AFAP1: variants seen among roughly 807,000 people sequenced by gnomAD.
AFAP1 encodes actin filament associated protein 1, also known as actin filament-associated protein 1.
In AFAP1, 75 loss-of-function variants were observed where a neutral mutation model predicts 93.9. The observed-to-expected ratio is 0.80, with a 90% CI of 0.66 to 0.97. The LOEUF (loss-of-function observed/expected upper bound fraction) is 0.97, where lower values mean the gene tolerates loss of function less well. Ranked by LOEUF, AFAP1 falls within the 50% of genes least tolerant of loss-of-function variation. AFAP1 has a pLI of 0.00. For missense variants in AFAP1, 1,201 were observed against 1,050.8 expected (o/e 1.14, Z -1.98); for synonymous variants, 517 against 430.7 (o/e 1.20, Z -2.48).
intron 6 of AFAP1, among the ~76,000 whole-genome samples, chr4:7,835,420 C>T (rs1181281023): frequency 1.5e-4 from 16 of 105,044 alleles, no homozygotes; most frequent in Non-Finnish European, 2.8e-4. Context: ...CTGCGGGCTG[C>T]CTTACAGTTA....
intron 1 of AFAP1, among the ~76,000 whole-genome samples, chr4:7,884,258 C>A (rs1252581319): frequency 6.6e-6 from 1 of 152,118 alleles, no homozygotes; most frequent in Non-Finnish European, 1.5e-5. Context: ...AACTATGAGC[C>A]AATTAAATCT....
chr4:7,917,483 T>C (rs559402442), intron 1 of AFAP1, among the ~76,000 whole-genome samples: 34 of 152,234 alleles, frequency 2.2e-4, no homozygotes, highest in Admixed American at 1.8e-3. Context: ...TCCATATCAT[T>C]TGAACTATTT....
chr4:7,925,612 C>T (rs949801808), intron 1 of AFAP1, among the ~76,000 whole-genome samples: 9 of 152,032 alleles, frequency 5.9e-5, no homozygotes, highest in African/African-American at 2.2e-4. Context: ...TTTGGGTGGC[C>T]GAGTCAGGCG....
intron 1 of AFAP1, among the ~76,000 whole-genome samples, chr4:7,934,714 T>C (rs1721280294): frequency 6.6e-6 from 1 of 152,154 alleles, no homozygotes; most frequent in Non-Finnish European, 1.5e-5. Flanking sequence ...TGGGGTTCAC[T>C]GTGATGCTGC....
chr4:7,907,484 G>T (rs1437359068), intron 1 of AFAP1, among the ~76,000 whole-genome samples: 1 of 152,170 alleles, frequency 6.6e-6, no homozygotes, highest in South Asian at 2.1e-4. Context: ...ATCTAAAGCT[G>T]AGATTATGGA....
intron 5 of AFAP1, among the ~76,000 whole-genome samples, chr4:7,839,359 CAAAA>C (rs1244304461): frequency 9.8e-6 from 1 of 102,092 alleles, no homozygotes; most frequent in Non-Finnish European, 1.9e-5. Context: ...CAAAACAAAA[CAAAA>C]AAACCCAACA....
intron 2 of AFAP1, among the ~76,000 whole-genome samples, chr4:7,869,516 C>A (rs1716831718): frequency 6.6e-6 from 1 of 152,178 alleles, no homozygotes; most frequent in Admixed American, 6.5e-5. Context: ...GCTCACATGT[C>A]TTGGGCACTC....
intron 7 of AFAP1, among the ~76,000 whole-genome samples, chr4:7,818,236 A>T (rs936222396): frequency 6.6e-6 from 1 of 152,186 alleles, no homozygotes; most frequent in Non-Finnish European, 1.5e-5. Flanking sequence ...CTTCACCTGC[A>T]CCATCGGCTC....
At chr4:7,838,791 G>A in intron 5 of AFAP1, 88 bp from the exon 6 acceptor site, 1 of 1,445,100 alleles carries the variant, frequency 6.9e-7, no homozygotes, top group Non-Finnish European at 9.5e-7. Context: ...AAACCTGAGT[G>A]CGGGCAAGGC....
At chr4:7,904,404 G>C (rs117810837) in intron 1 of AFAP1, among the ~76,000 whole-genome samples, 2 of 152,256 alleles carry the variant, frequency 1.3e-5, no homozygotes, top group East Asian at 3.9e-4. Context: ...CCAATACCAT[G>C]AGTAACGCCA....
chr4:7,906,811 G>A (rs531507163), intron 1 of AFAP1, among the ~76,000 whole-genome samples: 79 of 152,196 alleles, frequency 5.2e-4, no homozygotes, highest in African/African-American at 1.8e-3. Flanking sequence ...ACCTGAGGTC[G>A]GAAGTTCAAG....
At chr4:7,764,742 A>T (rs188316824) in intron 17 of AFAP1, among the ~76,000 whole-genome samples, 90 of 152,344 alleles carry the variant, frequency 5.9e-4, no homozygotes, top group Admixed American at 1.4e-3. Flanking sequence ...GCACTGTGCC[A>T]TGCACTGGGT....
In AFAP1 at chr4:7,811,445, G is replaced by A. The variant is rs150328056; in HGVS notation, c.905-1682C>T. Among the ~76,000 whole-genome samples, 1,291 of 152,036 alleles carry A rather than the reference G, an allele frequency of 8.5e-3. 24 individuals are homozygous for A. Among genetic ancestry groups the A allele is most frequent in the African/African-American group, 0.029 (1,214 of 41,454 alleles). On this transcript the variant is annotated intron_variant, in intron 8 of 17. Transcript: ENST00000420658. ...CCTCTGCACACGCACACACTCACACGCAGTCCCCTTATCCTTCCCAATCTC... is the reference window on the plus strand; with the variant it reads ...CCTCTGCACACGCACACACTCACACACAGTCCCCTTATCCTTCCCAATCTC...
intron 14 of AFAP1, chr4:7,777,038 A>C (rs1716202753): frequency 6.6e-6 from 1 of 152,188 alleles, no homozygotes; most frequent in Non-Finnish European, 1.5e-5. Flanking sequence ...CATCCCATAA[A>C]ATAAAGGAAT....
chr4:7,788,149 C>A (rs1276298312), intron 11 of AFAP1, among the ~76,000 whole-genome samples: 3 of 152,218 alleles, frequency 2.0e-5, no homozygotes, highest in Non-Finnish European at 4.4e-5. Context: ...CGGCCGGGTT[C>A]CGAAGCCACG....
chr4:7,904,928 C>T (rs7689604), intron 1 of AFAP1, among the ~76,000 whole-genome samples: 3 of 152,074 alleles, frequency 2.0e-5, no homozygotes, highest in Admixed American at 6.5e-5. Context: ...AGACTGGTCC[C>T]GAACTCTGGG....
intron 4 of AFAP1, among the ~76,000 whole-genome samples, chr4:7,846,101 C>G (rs146414055): frequency 1.7e-4 from 26 of 152,288 alleles, no homozygotes; most frequent in African/African-American, 6.3e-4. Flanking sequence ...TGCCAAGGCA[C>G]AGGGGGTCCT....
rs1713565199 is a variant in AFAP1, at chr4:7,760,077, C to T, written c.*3688G>A. 1 of 152,222 alleles carries T rather than the reference C, an allele frequency of 6.6e-6. No homozygotes were observed. Among genetic ancestry groups the T allele is most frequent in the South Asian group, 2.1e-4 (1 of 4,828 alleles). The allele number at this position is 152,222 out of a possible 1,614,324, so 9.4% of individuals were successfully genotyped here. A position where few individuals can be genotyped will look rare whatever the true frequency, so the allele number is the denominator to read the frequency against. On this transcript the variant is annotated 3_prime_UTR_variant, in exon 18 of 18. Coordinates refer to ENST00000420658, the MANE Select transcript of AFAP1 (RefSeq NM_001134647.2). ...GGGAGCTTTGCTCACAACCCTACAC[C>T]TAACCCCAGCTTCGACGCTGCCCTT...
intron 4 of AFAP1, among the ~76,000 whole-genome samples, chr4:7,850,339 C>T (rs1289185684): frequency 6.6e-6 from 1 of 152,190 alleles, no homozygotes; most frequent in Non-Finnish European, 1.5e-5. Flanking sequence ...CATCTCCAAA[C>T]ACCAGCAGCA....
Sources: gnomAD v4.1 joint callset for allele counts (sites outside exome capture counted in the v4.1 genomes callset) on GRCh38, gnomAD v4.1.1 for gene constraint, MANE v1.5 for transcripts, NCBI Gene and HGNC (gene_info 2026-07-23, HGNC 2026-07-21) for gene names.